Variants in TAPT1 observed in about 807,000 individuals in gnomAD.
TAPT1 encodes the protein transmembrane anterior posterior transformation protein 1 homolog.
In TAPT1, 28 loss-of-function variants were observed where a neutral mutation model predicts 65.6. The observed-to-expected ratio is 0.43, with a 90% CI of 0.32 to 0.59. The LOEUF (loss-of-function observed/expected upper bound fraction) is 0.59. Among genes scored for constraint, TAPT1 ranks in the 20% least tolerant of loss-of-function variants. The pLI, the probability that TAPT1 is intolerant of heterozygous loss-of-function variation, is 0.09. For missense variants in TAPT1, 563 were observed against 679.9 expected (o/e 0.83, Z 1.91); for synonymous variants, 278 against 245.2 (o/e 1.13, Z -1.25).
intron 7 of TAPT1, among the ~76,000 whole-genome samples, chr4:16,185,239 ATC>A (rs917313781): frequency 5.9e-5 from 9 of 152,146 alleles, no homozygotes; most frequent in African/African-American, 1.9e-4. Flanking sequence ...TTTATAAAAT[ATC>A]TTTTTTATTG....
upstream of TAPT1, chr4:16,226,517 C>T (rs1751577981): frequency 3.1e-6 from 3 of 979,988 alleles, no homozygotes; most frequent in Non-Finnish European, 3.7e-6. Context: ...CCGGCCGGCC[C>T]CCTCCCCGCC....
chr4:16,163,380 T>C lies in TAPT1; in HGVS notation c.1632A>G (p.Leu544=). ...AATCTTTCTTTGAGGATCTGTGTTT[T>C]AATTCAGAATTGTCCTGCGTTATGT... The part of the protein sequence containing the change: ...EKDITQDNSE[L]KHRSSKKDLL... The change falls in exon 14 of 14, where the codon TTA becomes TTG. Residue 544 remains leucine, a synonymous_variant. Coordinates refer to ENST00000405303, the MANE Select transcript of TAPT1 (RefSeq NM_153365.3). The C allele has an allele frequency of 6.2e-7, 1 of 1,614,024 alleles. No homozygotes were observed. Among genetic ancestry groups the C allele is most frequent in the Non-Finnish European group, 8.5e-7 (1 of 1,179,894 alleles).
At position 16,188,287 on chromosome 4, in the gene TAPT1, C is replaced by A. The variant is rs1448760482; in HGVS notation, c.681G>T (p.Glu227Asp). The A allele has an allele frequency of 6.2e-7, 1 of 1,612,512 alleles. No individual in the cohort carries two copies. Among genetic ancestry groups the A allele is most frequent in the Admixed American group, 1.7e-5 (1 of 59,902 alleles). Reference protein sequence around the residue: ...ILDALYWTATEPKERKRAHIG... With the variant: ...ILDALYWTATDPKERKRAHIG... Reference sequence around the variant, plus strand: ...TGTGGGCTCTTTTTCTTTCTTTAGGCTCTGTTGCTGTCCAATAGAGAGCAT... The same window carrying A: ...TGTGGGCTCTTTTTCTTTCTTTAGGATCTGTTGCTGTCCAATAGAGAGCAT... The change falls in exon 5 of 14, where the codon GAG becomes GAT. Residue 227 changes from glutamate to aspartate, a missense_variant. By Grantham distance (45) the Glu-to-Asp change is conservative. Transcript: ENST00000405303.
chr4:16,207,487 C>T (rs1578469467), intron 2 of TAPT1, among the ~76,000 whole-genome samples: 1 of 152,284 alleles, frequency 6.6e-6, no homozygotes, highest in Non-Finnish European at 1.5e-5. Flanking sequence ...TAAGTTACTC[C>T]ACTAGACATT....
At chr4:16,166,890 A>G in intron 12 of TAPT1, 97 bp from the exon 13 acceptor site, 2 of 1,194,470 alleles carry the variant, frequency 1.7e-6, no homozygotes, top group Non-Finnish European at 2.4e-6. Flanking sequence ...GTGGGGGGGC[A>G]TGGGACGGTG....
At chr4:16,202,743 C>G (rs1241332659) in intron 2 of TAPT1, among the ~76,000 whole-genome samples, 163 bp from the exon 3 acceptor site, 1 of 152,190 alleles carries the variant, frequency 6.6e-6, no homozygotes, top group African/African-American at 2.4e-5. Flanking sequence ...AAGAGTGAGT[C>G]TGTGCTTCCT....
intron 13 of TAPT1, among the ~76,000 whole-genome samples, chr4:16,163,845 C>CTAT (rs1747411457): frequency 6.6e-6 from 1 of 152,098 alleles, no homozygotes; most frequent in Non-Finnish European, 1.5e-5. Flanking sequence ...ATAATCAAGA[C>CTAT]CTAACATGAC....
intron 2 of TAPT1, among the ~76,000 whole-genome samples, chr4:16,210,055 C>T (rs1250748585): frequency 6.6e-6 from 1 of 152,170 alleles, no homozygotes; most frequent in Admixed American, 6.5e-5. Context: ...CCATTGAGGC[C>T]AGACTCTATA....
intron 2 of TAPT1, 97 bp downstream of exon 2, chr4:16,213,671 T>C: frequency 2.7e-6 from 3 of 1,101,906 alleles, no homozygotes; most frequent in Non-Finnish European, 3.7e-6. Context: ...TTCAATTATT[T>C]AAAAAACTCA....
At chr4:16,170,026 T>A (rs991918213) in intron 12 of TAPT1, among the ~76,000 whole-genome samples, 1 of 152,356 alleles carries the variant, frequency 6.6e-6, no homozygotes, top group Admixed American at 6.5e-5. Context: ...TTTCAGTAAG[T>A]TAATTGACTG....
At chr4:16,197,206 A>G (rs1331400400) in intron 3 of TAPT1, among the ~76,000 whole-genome samples, 2 of 152,214 alleles carry the variant, frequency 1.3e-5, no homozygotes, top group African/African-American at 2.4e-5. Flanking sequence ...AGAAAAATAA[A>G]AGCCTGTGAA....
intron 4 of TAPT1, 74 bp from the exon 5 acceptor site, chr4:16,188,429 T>C: frequency 8.3e-7 from 1 of 1,210,034 alleles, no homozygotes; most frequent in Non-Finnish European, 1.1e-6. Context: ...GAGATATAGC[T>C]CAAATCCTGG....
At chr4:16,195,479 T>C (rs1208731055) in intron 3 of TAPT1, among the ~76,000 whole-genome samples, 2 of 152,232 alleles carry the variant, frequency 1.3e-5, no homozygotes, top group Non-Finnish European at 2.9e-5. Context: ...TTTGGGTGTA[T>C]GTCATCACAC....
At chr4:16,184,333 A>C (rs542242480) in intron 7 of TAPT1, among the ~76,000 whole-genome samples, 23 of 152,170 alleles carry the variant, frequency 1.5e-4, no homozygotes, top group Non-Finnish European at 2.9e-4. Flanking sequence ...CATAGCTGAC[A>C]ATATTAGGAG....
rs1341342129 is a variant in TAPT1, at chr4:16,197,451, T to TAAAA, written c.449+5010_449+5011insTTTT. 5.3e-5 allele frequency among the ~76,000 whole-genome samples: 8 copies of TAAAA among 152,220 alleles called. 1 individual carries two copies. The highest frequency in any genetic ancestry group is 2.0e-4 in the Admixed American group (3 of 15,274). ...TTTCTCTACAATCTTCTTTAACTTT[T>TAAAA]AACTTACGTGACTGAGAATTCTAAA... On this transcript the variant is annotated intron_variant, in intron 3 of 13. Coordinates refer to ENST00000405303, the MANE Select transcript of TAPT1 (RefSeq NM_153365.3).
chr4:16,202,276 A>T (rs1340157541), intron 3 of TAPT1, among the ~76,000 whole-genome samples, 186 bp downstream of exon 3: 2 of 152,190 alleles, frequency 1.3e-5, no homozygotes, highest in African/African-American at 4.8e-5. Context: ...GAAAAAAATA[A>T]GCATATAAAA....
chr4:16,194,866 T>TGATTTCCCTCCCCCCCCCC, intron 3 of TAPT1, among the ~76,000 whole-genome samples: 1 of 18,664 alleles, frequency 5.4e-5, no homozygotes, highest in African/African-American at 1.3e-4. Context: ...TCTGTCTTCT[T>TGATTTCCCTCCCCCCCCCC]CTTCTTCTTC....
intron 1 of TAPT1, among the ~76,000 whole-genome samples, chr4:16,223,587 C>T (rs1448339577): frequency 2.0e-5 from 3 of 152,176 alleles, no homozygotes; most frequent in East Asian, 3.9e-4. Flanking sequence ...CTGAGACATG[C>T]GTCAGCCTAT....
At chr4:16,202,259 A>G (rs565461006) in intron 3 of TAPT1, among the ~76,000 whole-genome samples, 1 of 152,178 alleles carries the variant, frequency 6.6e-6, no homozygotes, top group African/African-American at 2.4e-5. Flanking sequence ...GGTTCAAAAC[A>G]ATTCTGGAAA....
Sources: gnomAD v4.1 joint callset for allele counts (sites outside exome capture counted in the v4.1 genomes callset) on GRCh38, gnomAD v4.1.1 for gene constraint, MANE v1.5 for transcripts, NCBI Gene and HGNC (gene_info 2026-07-23, HGNC 2026-07-21) for gene names.